GRM8: variants seen among roughly 807,000 people sequenced by gnomAD.
The protein encoded by GRM8 is glutamate metabotropic receptor 8.
Under a neutral mutation model 87.2 loss-of-function variants are expected in GRM8, and 47 were observed. The observed-to-expected ratio is 0.54, with a 90% CI of 0.43 to 0.69. GRM8 has a LOEUF of 0.69. GRM8 is among the 30% of genes least tolerant of loss of function. GRM8 has a pLI of 0.00. For missense variants in GRM8, 1,019 were observed against 1,139.2 expected, an observed-to-expected ratio of 0.89 and a Z score of 1.52; for synonymous variants, 396 against 404.5, an observed-to-expected ratio of 0.98 and a Z score of 0.25.
intron 9 of GRM8, among the ~76,000 whole-genome samples, chr7:126,493,661 A>C (rs1317211045): frequency 1.3e-5 from 2 of 152,028 alleles, no homozygotes; most frequent in African/African-American, 2.4e-5. Flanking sequence ...GCTTTGCTCC[A>C]TCAGTGACTA....
intron 6 of GRM8, among the ~76,000 whole-genome samples, chr7:126,778,842 T>G (rs976862632): frequency 7.9e-5 from 12 of 152,088 alleles, no homozygotes; most frequent in Non-Finnish European, 1.8e-4. Context: ...AAATACAGTC[T>G]ATTTTTTAAA....
intron 2 of GRM8, among the ~76,000 whole-genome samples, chr7:127,174,588 C>T (rs1395637377): frequency 4.6e-5 from 7 of 152,194 alleles, no homozygotes; most frequent in Admixed American, 4.6e-4. Flanking sequence ...CAATAGAAGG[C>T]TTTTAACTTC....
chr7:127,250,264 C>T (rs1308261516), intron 1 of GRM8, among the ~76,000 whole-genome samples: 1 of 152,236 alleles, frequency 6.6e-6, no homozygotes, highest in Non-Finnish European at 1.5e-5. Context: ...CTCTAACTTT[C>T]TCCTGCACTC....
chr7:126,634,601 A>G (rs1801665845), intron 7 of GRM8, among the ~76,000 whole-genome samples: 1 of 152,036 alleles, frequency 6.6e-6, no homozygotes, highest in South Asian at 2.1e-4. Context: ...GCTTTCTAAC[A>G]TAGCCCAGTC....
chr7:127,181,422 A>G (rs1187130667), intron 2 of GRM8, among the ~76,000 whole-genome samples: 1 of 152,070 alleles, frequency 6.6e-6, no homozygotes, highest in Non-Finnish European at 1.5e-5. Flanking sequence ...CCATACTGCC[A>G]AAAGCAATCT....
At chr7:126,628,270 C>T (rs1800890948) in intron 7 of GRM8, among the ~76,000 whole-genome samples, 2 of 152,104 alleles carry the variant, frequency 1.3e-5, no homozygotes, top group South Asian at 4.1e-4. Flanking sequence ...TGGTCTCGAT[C>T]TCCTGATCTC....
intron 2 of GRM8, among the ~76,000 whole-genome samples, chr7:127,206,016 C>G (rs1283141665): frequency 1.3e-5 from 2 of 152,174 alleles, no homozygotes; most frequent in African/African-American, 4.8e-5. Flanking sequence ...GTTAGGAAGC[C>G]CTGCCAGGTA....
chr7:126,509,366 T>A (rs1164416933), intron 9 of GRM8, among the ~76,000 whole-genome samples: 1 of 152,010 alleles, frequency 6.6e-6, no homozygotes, highest in Non-Finnish European at 1.5e-5. Flanking sequence ...TTTTTGAGAT[T>A]CAGAAACTAT....
intron 3 of GRM8, among the ~76,000 whole-genome samples, chr7:127,009,902 G>A (rs559733284): frequency 1.1e-3 from 170 of 151,988 alleles, no homozygotes; most frequent in African/African-American, 4.0e-3. Flanking sequence ...GGACTGCAGT[G>A]GTGTGATCTT....
At chr7:126,839,992 A>G (rs1276275718) in intron 6 of GRM8, among the ~76,000 whole-genome samples, 1 of 152,224 alleles carries the variant, frequency 6.6e-6, no homozygotes, top group Non-Finnish European at 1.5e-5. Flanking sequence ...TAAGTCTGAT[A>G]AATGAAAACA....
chr7:126,882,866 T>C (rs1236891342), intron 6 of GRM8, among the ~76,000 whole-genome samples: 1 of 152,148 alleles, frequency 6.6e-6, no homozygotes, highest in African/African-American at 2.4e-5. Context: ...ACTGAGTTGA[T>C]TACTCATCAA....
At chr7:126,621,987 C>T (rs1005971486) in intron 7 of GRM8, among the ~76,000 whole-genome samples, 2 of 151,900 alleles carry the variant, frequency 1.3e-5, no homozygotes, top group African/African-American at 2.4e-5. Flanking sequence ...TAGGGAATAC[C>T]CTCTATTCTC....
chr7:127,242,825 T>C lies in GRM8; in HGVS notation c.380A>G (p.Asp127Gly). 1 of 1,614,170 alleles carries C rather than the reference T, an allele frequency of 6.2e-7. No homozygotes were observed. The highest frequency in any genetic ancestry group is 1.1e-5 in the South Asian group (1 of 91,072). ...ATTAGCACACTTCACATCCGAAGCA[T>C]CTTTCTCTATTAATGCCTGCACGAA... ...LTFVQALIEK[D>G]ASDVKCANGD... Residue 127 changes from aspartate (D) to glycine (G), a missense_variant, in exon 2 of 11, where the codon GAT becomes GGT. Coordinates refer to ENST00000339582, the MANE Select transcript of GRM8 (RefSeq NM_000845.3).
At chr7:127,050,574 GA>G (rs1819363318) in intron 3 of GRM8, among the ~76,000 whole-genome samples, 1 of 152,158 alleles carries the variant, frequency 6.6e-6, no homozygotes, top group African/African-American at 2.4e-5. Context: ...AGGGGAGACG[GA>G]AGGGGAAGGA....
intron 7 of GRM8, among the ~76,000 whole-genome samples, chr7:126,652,462 A>G (rs970515082): frequency 6.6e-6 from 1 of 152,198 alleles, no homozygotes; most frequent in East Asian, 1.9e-4. Context: ...GGAGACTAAC[A>G]TTTGAGTAAG....
At chr7:127,019,109 T>C (rs1458669913) in intron 3 of GRM8, among the ~76,000 whole-genome samples, 1 of 152,032 alleles carries the variant, frequency 6.6e-6, no homozygotes, top group African/African-American at 2.4e-5. Flanking sequence ...ATAGAAACCA[T>C]TTCAAGTCCC....
intron 8 of GRM8, among the ~76,000 whole-genome samples, chr7:126,552,237 T>C (rs140567678): frequency 2.0e-5 from 3 of 152,262 alleles, no homozygotes; most frequent in Admixed American, 6.5e-5. Context: ...AATTTCATTA[T>C]GCTCCTATAT....
chr7:126,565,285 G>A (rs1794116591), intron 8 of GRM8, among the ~76,000 whole-genome samples: 1 of 151,976 alleles, frequency 6.6e-6, no homozygotes, highest in South Asian at 2.1e-4. Context: ...TTTATGTATA[G>A]AAAACTCTAA....
intron 7 of GRM8, among the ~76,000 whole-genome samples, chr7:126,659,647 CTTGGCAATACA>C (rs1804929327): frequency 6.6e-6 from 1 of 152,162 alleles, no homozygotes; most frequent in Non-Finnish European, 1.5e-5. Context: ...TTTCTTTTTA[CTTGGCAATACA>C]TTGTGTGCTT....
Sources: gnomAD v4.1 joint callset for allele counts (sites outside exome capture counted in the v4.1 genomes callset) on GRCh38, gnomAD v4.1.1 for gene constraint, MANE v1.5 for transcripts, NCBI Gene and HGNC (gene_info 2026-07-23, HGNC 2026-07-21) for gene names.